The following WDR59 variants were observed in gnomAD, a reference collection of about 807,000 sequenced individuals.
WDR59 encodes GATOR2 complex protein WDR59.
Under a neutral mutation model 131.2 loss-of-function variants are expected in WDR59, and 100 were observed. The observed-to-expected ratio is 0.76, with a 90% CI of 0.65 to 0.90. WDR59 has a LOEUF of 0.90. Ranked by LOEUF, WDR59 falls within the 40% of genes least tolerant of loss-of-function variation. The pLI is 0.00. For synonymous variants in WDR59, 601 were observed against 466.2 expected, an observed-to-expected ratio of 1.29 and a Z score of -3.72; for missense variants, 1,203 against 1,262.2, an observed-to-expected ratio of 0.95 and a Z score of 0.71.
At chr16:74,942,930 C>T in intron 6 of WDR59, 104 bp from the exon 7 acceptor site, 1 of 998,814 alleles carries the variant, frequency 1.0e-6, no homozygotes, top group Non-Finnish European at 1.5e-6. Context: ...CTGAATAAGC[C>T]CAGAACCCTT....
At chr16:74,933,786 T>C (rs1168145900) in intron 8 of WDR59, among the ~76,000 whole-genome samples, 8 of 152,216 alleles carry the variant, frequency 5.3e-5, no homozygotes. Context: ...AGTTACACCA[T>C]GTTAGTGGGG....
chr16:74,968,417 T>C lies in WDR59; in HGVS notation c.55-2595A>G, dbSNP rs907349393. 2.6e-5 allele frequency among the ~76,000 whole-genome samples: 4 copies of C among 152,148 alleles called. No homozygotes were observed. The East Asian group carries it at 7.8e-4, about 30-fold the overall frequency. ...AGAACTGTGAGCTAATAAATGGATG[T>C]TGTTGTAAGATGCTAAATATGGACC... On this transcript the variant is annotated intron_variant, in intron 1 of 25. Transcript: ENST00000262144.
chr16:74,944,098 G>A (rs747925797), intron 6 of WDR59, among the ~76,000 whole-genome samples: 3 of 152,078 alleles, frequency 2.0e-5, no homozygotes, highest in Non-Finnish European at 2.9e-5. Flanking sequence ...CTTTCCCAGT[G>A]GGGAGGCATC....
At chr16:74,881,579 T>G (rs955218031) in intron 25 of WDR59, among the ~76,000 whole-genome samples, 1 of 151,974 alleles carries the variant, frequency 6.6e-6, no homozygotes, top group African/African-American at 2.4e-5. Flanking sequence ...ACTTTGCAAA[T>G]GAAAATACTT....
chr16:74,938,224 T>G lies in WDR59; in HGVS notation c.577A>C (p.Lys193Gln). 6.4e-7 allele frequency: 1 copy of G among 1,566,730 alleles called. No homozygotes were observed. The highest frequency in any genetic ancestry group is 8.7e-7 in the Non-Finnish European group (1 of 1,155,632). ...GGGTGCCAGTCCAGGCCATGGATTT[T>G]GGAGAGGTGGGCGGCTAGATATTCC... is the stretch of plus-strand genomic sequence containing the variant. ...AVEYLAAHLSKIHGLDWHPDS... is the reference protein window; with the variant it reads ...AVEYLAAHLSQIHGLDWHPDS... The change falls in exon 8 of 26, where the codon AAA (lysine) becomes CAA (glutamine). Residue 193 changes from lysine to glutamine, a missense_variant. Lys to Gln is a moderately conservative substitution (Grantham distance 53). Transcript: ENST00000262144.
At chr16:74,912,910 C>T (rs560600042) in intron 13 of WDR59, among the ~76,000 whole-genome samples, 66 of 152,340 alleles carry the variant, frequency 4.3e-4, no homozygotes, top group African/African-American at 1.6e-3. Flanking sequence ...GGTTTAAGAA[C>T]GTGTTTAAGC....
Position 74,927,065 on chromosome 16 carries a change from C to T in WDR59, c.652-3062G>A, listed in dbSNP as rs370203387. Among the ~76,000 whole-genome samples, 26 of 152,282 alleles carry T rather than the reference C, an allele frequency of 1.7e-4. 2 individuals are homozygous for T. Among genetic ancestry groups the T allele is most frequent in the South Asian group, 1.0e-3 (5 of 4,828 alleles). On this transcript the variant is annotated intron_variant, in intron 8 of 25. Coordinates refer to ENST00000262144, the MANE Select transcript of WDR59 (RefSeq NM_030581.4). ...TGTAAAATCCTGCTTAGTTCCCCAG[C>T]CTGCCTGAGGGCTGGATGAGGTTCT...
At chr16:74,906,009 T>C (rs576281074) in intron 17 of WDR59, among the ~76,000 whole-genome samples, 1 of 151,618 alleles carries the variant, frequency 6.6e-6, no homozygotes, top group African/African-American at 2.4e-5. Context: ...AACATGGAAA[T>C]GCAAATTAAA....
chr16:74,911,443 G>A (rs1462329046), intron 14 of WDR59, among the ~76,000 whole-genome samples: 2 of 152,232 alleles, frequency 1.3e-5, no homozygotes, highest in Non-Finnish European at 2.9e-5. Flanking sequence ...AGCTTGGCCT[G>A]AGTTTGTCAG....
At chr16:74,936,189 G>C (rs1046313353) in intron 8 of WDR59, among the ~76,000 whole-genome samples, 17 of 151,778 alleles carry the variant, frequency 1.1e-4, no homozygotes, top group African/African-American at 2.7e-4. Context: ...ACCACCCTTG[G>C]TACATTCTGG....
intron 7 of WDR59, among the ~76,000 whole-genome samples, chr16:74,941,003 C>T (rs1451967064): frequency 2.0e-5 from 3 of 151,820 alleles, no homozygotes; most frequent in African/African-American, 4.8e-5. Flanking sequence ...CGCGCCCAGC[C>T]GAAAATGCTG....
In WDR59 at chr16:74,904,328, T is replaced by C; in HGVS notation, c.1713-228A>G. On this transcript the variant is annotated intron_variant, in intron 17 of 25. Coordinates refer to ENST00000262144, the MANE Select transcript of WDR59 (RefSeq NM_030581.4). ...AAATTCAAAGGAATCTACAAACTACTAGAATAAGTGAATTTGAATACAAGG... is the reference window on the plus strand; with the variant it reads ...AAATTCAAAGGAATCTACAAACTACCAGAATAAGTGAATTTGAATACAAGG... 2 of 484,654 alleles carry C rather than the reference T, an allele frequency of 4.1e-6. 1 individual carries two copies. The highest frequency in any genetic ancestry group is 4.8e-5 in the South Asian group (2 of 41,848). The allele number at this position is 484,654 out of a possible 1,614,324, so 30.0% of individuals were successfully genotyped here.
intron 1 of WDR59, among the ~76,000 whole-genome samples, chr16:74,978,852 C>T (rs181526146): frequency 9.2e-5 from 14 of 152,086 alleles, no homozygotes; most frequent in Admixed American, 6.6e-5. Context: ...CTGCTTTGGA[C>T]ATACAGAGCT....
At chr16:74,967,751 C>T (rs1361595112) in intron 1 of WDR59, among the ~76,000 whole-genome samples, 1 of 151,276 alleles carries the variant, frequency 6.6e-6, no homozygotes. Flanking sequence ...CCCAGCTACT[C>T]AGGAGGCTGA....
chr16:74,898,661 C>G (rs901385196), intron 18 of WDR59, among the ~76,000 whole-genome samples: 3 of 152,228 alleles, frequency 2.0e-5, no homozygotes, highest in African/African-American at 7.2e-5. Context: ...TCAGAGGCAA[C>G]ATTGATGCCA....
Position 74,874,034 on chromosome 16 carries a change from A to C in WDR59, c.*175T>G. 1 of 608,422 alleles carries C rather than the reference A, an allele frequency of 1.6e-6. No individual in the cohort carries two copies. The highest frequency in any genetic ancestry group is 3.0e-5 in the Admixed American group (1 of 33,738). The allele number at this position is 608,422 out of a possible 1,614,324, so 37.7% of individuals were successfully genotyped here. On this transcript the variant is annotated 3_prime_UTR_variant, in exon 26 of 26. Transcript: ENST00000262144. The stretch of plus-strand genomic sequence containing the variant: ...CAGTGACATCCACACCAGGTGGCCA[A>C]ACAGAAGAGAAGGCAGAGGCCCACC...
intron 17 of WDR59, among the ~76,000 whole-genome samples, chr16:74,907,858 CT>C (rs1458667280): frequency 6.6e-6 from 1 of 152,130 alleles, no homozygotes; most frequent in Non-Finnish European, 1.5e-5. Flanking sequence ...GTGGTAAGTG[CT>C]ATGATGATCC....
At chr16:74,922,773 A>T (rs1301229239) in intron 9 of WDR59, among the ~76,000 whole-genome samples, 2 of 152,178 alleles carry the variant, frequency 1.3e-5, no homozygotes, top group African/African-American at 4.8e-5. Context: ...TTTTCTGTTT[A>T]TTTTTTAAAG....
intron 13 of WDR59, among the ~76,000 whole-genome samples, chr16:74,913,287 C>A (rs1304497085): frequency 1.4e-5 from 2 of 146,764 alleles, no homozygotes; most frequent in African/African-American, 5.2e-5. Flanking sequence ...TTTTTTGAGA[C>A]AGGGTCTCAC....
Sources: gnomAD v4.1 joint callset for allele counts (sites outside exome capture counted in the v4.1 genomes callset) on GRCh38, gnomAD v4.1.1 for gene constraint, MANE v1.5 for transcripts, NCBI Gene and HGNC (gene_info 2026-07-23, HGNC 2026-07-21) for gene names.